The following MACROD2 variants were observed in gnomAD, a reference collection of about 807,000 sequenced individuals.
MACROD2 encodes the protein mono-ADP ribosylhydrolase 2.
A neutral mutation model predicts 70.4 loss-of-function variants in MACROD2; 36 were observed. That is an observed-to-expected ratio of 0.51 (90% CI 0.39 to 0.68). The LOEUF (loss-of-function observed/expected upper bound fraction) is 0.68, where lower values mean the gene tolerates loss of function less well. MACROD2 is among the 30% of genes least tolerant of loss of function. The pLI is 0.00. For synonymous variants in MACROD2, 172 were observed against 178.8 expected (o/e 0.96, Z 0.30); for missense variants, 496 against 538.4 (o/e 0.92, Z 0.78).
intron 8 of MACROD2, among the ~76,000 whole-genome samples, chr20:15,809,967 A>T (rs2063803656): frequency 6.8e-6 from 1 of 148,032 alleles, no homozygotes; most frequent in Admixed American, 6.7e-5. Flanking sequence ...GCACCCATTA[A>T]CTCGTCATTT....
At chr20:14,067,703 C>T (rs2053783147) in intron 2 of MACROD2, among the ~76,000 whole-genome samples, 1 of 152,142 alleles carries the variant, frequency 6.6e-6, no homozygotes. Flanking sequence ...GAGCTCCCAT[C>T]CCAAACAGCT....
intron 5 of MACROD2, among the ~76,000 whole-genome samples, chr20:15,054,946 CTTT>C (rs10673344): frequency 2.5e-5 from 3 of 120,754 alleles, no homozygotes; most frequent in African/African-American, 1.1e-4. Context: ...CCACATCTAG[CTTT>C]TTTTTTTTTT....
chr20:15,656,859 T>C (rs2049738307), intron 8 of MACROD2, among the ~76,000 whole-genome samples: 2 of 151,996 alleles, frequency 1.3e-5, no homozygotes, highest in Non-Finnish European at 2.9e-5. Context: ...TACTAAGTTT[T>C]GGCAAAAGTA....
intron 9 of MACROD2, among the ~76,000 whole-genome samples, chr20:15,874,157 C>T (rs1024656873): frequency 4.2e-5 from 6 of 143,600 alleles, no homozygotes; most frequent in African/African-American, 1.5e-4. Flanking sequence ...TGAGTGAGAA[C>T]ATGCAGCATT....
At chr20:14,862,849 T>C (rs2073386612) in intron 5 of MACROD2, among the ~76,000 whole-genome samples, 1 of 148,768 alleles carries the variant, frequency 6.7e-6, no homozygotes, top group Admixed American at 7.0e-5. Context: ...GAAGTTGAGT[T>C]GGCATACCTA....
rs204612 is a variant in MACROD2, at chr20:14,341,041, T to C, written c.272-152438T>C. ...TTACCAACTACCAGCTGAAACTGAC[T>C]AAAACACACAGTCATTTCATGGAAC... On this transcript the variant is annotated intron_variant, in intron 3 of 17. Transcript: ENST00000684519. Among the ~76,000 whole-genome samples, 1,376 of 152,292 alleles carry C rather than the reference T, an allele frequency of 9.0e-3. 20 individuals are homozygous for C. The highest frequency in any genetic ancestry group is 0.031 in the African/African-American group (1,307 of 41,552).
chr20:15,959,399 G>A (rs1275642536), intron 12 of MACROD2, among the ~76,000 whole-genome samples: 1 of 152,130 alleles, frequency 6.6e-6, no homozygotes, highest in Admixed American at 6.5e-5. Flanking sequence ...TAAGTTAATT[G>A]GCATAATGCC....
intron 8 of MACROD2, among the ~76,000 whole-genome samples, chr20:15,716,243 A>G (rs1568990314): frequency 6.6e-6 from 1 of 152,168 alleles, no homozygotes; most frequent in Non-Finnish European, 1.5e-5. Context: ...TTATTTGGCA[A>G]TTGAAAGGCT....
chr20:15,011,831 A>G (rs1056231974), intron 5 of MACROD2, among the ~76,000 whole-genome samples: 5 of 152,192 alleles, frequency 3.3e-5, no homozygotes, highest in Admixed American at 3.3e-4. Context: ...AGGGAGCCTC[A>G]GGGCTTTTTG....
intron 4 of MACROD2, among the ~76,000 whole-genome samples, chr20:14,551,222 A>C (rs946898864): frequency 2.0e-5 from 3 of 152,178 alleles, no homozygotes; most frequent in African/African-American, 7.2e-5. Context: ...TGGATCCAAA[A>C]TGTAATGGAA....
chr20:14,069,282 A>G (rs2053808476), intron 2 of MACROD2, among the ~76,000 whole-genome samples: 1 of 152,194 alleles, frequency 6.6e-6, no homozygotes, highest in Admixed American at 6.5e-5. Flanking sequence ...TTTAAATTTT[A>G]GTATTTAAAA....
chr20:15,759,428 A>G (rs1230909372), intron 8 of MACROD2, among the ~76,000 whole-genome samples: 1 of 152,224 alleles, frequency 6.6e-6, no homozygotes. Context: ...TTGGACACCA[A>G]AAACGTTCTG....
intron 8 of MACROD2, among the ~76,000 whole-genome samples, chr20:15,503,687 G>T (rs555265549): frequency 6.6e-6 from 1 of 152,104 alleles, no homozygotes; most frequent in Admixed American, 6.5e-5. Flanking sequence ...TTATCATGTT[G>T]CATGTTATCT....
At chr20:14,058,374 A>T (rs1014426805) in intron 2 of MACROD2, among the ~76,000 whole-genome samples, 1 of 151,896 alleles carries the variant, frequency 6.6e-6, no homozygotes, top group Admixed American at 6.6e-5. Flanking sequence ...TTGTTTGCCT[A>T]TATGTTCTCA....
At chr20:14,072,988 C>T (rs2053869001) in intron 2 of MACROD2, among the ~76,000 whole-genome samples, 1 of 149,730 alleles carries the variant, frequency 6.7e-6, no homozygotes, top group Non-Finnish European at 1.5e-5. Flanking sequence ...ATATTAAGAA[C>T]ATGCATTAGA....
intron 3 of MACROD2, among the ~76,000 whole-genome samples, chr20:14,438,554 C>T (rs2084084933): frequency 6.6e-6 from 1 of 152,168 alleles, no homozygotes. Context: ...TCTCTTTTCT[C>T]CACGCCCTTA....
intron 4 of MACROD2, among the ~76,000 whole-genome samples, chr20:14,538,747 C>T (rs897896362): frequency 7.9e-5 from 12 of 152,212 alleles, no homozygotes; most frequent in Non-Finnish European, 1.5e-4. Flanking sequence ...AGCTCAGATG[C>T]TGCCTCCTCA....
chr20:15,254,929 CTTTTTTTT>C (rs762538763), intron 6 of MACROD2, among the ~76,000 whole-genome samples: 1 of 80,548 alleles, frequency 1.2e-5, no homozygotes, highest in Non-Finnish European at 2.4e-5. Context: ...CAAAGCACAC[CTTTTTTTT>C]TTTTTTTTTT....
chr20:14,817,790 C>G (rs1367204084), intron 5 of MACROD2, among the ~76,000 whole-genome samples: 1 of 152,138 alleles, frequency 6.6e-6, no homozygotes, highest in Non-Finnish European at 1.5e-5. Context: ...TATTTATGCA[C>G]CAACTCTTCA....
Sources: gnomAD v4.1 joint callset for allele counts (sites outside exome capture counted in the v4.1 genomes callset) on GRCh38, gnomAD v4.1.1 for gene constraint, MANE v1.5 for transcripts, NCBI Gene and HGNC (gene_info 2026-07-23, HGNC 2026-07-21) for gene names.